Variants in TNIK observed in about 807,000 individuals in gnomAD.
TNIK encodes the protein TRAF2 and NCK-interacting protein kinase.
TNIK carries 49 observed loss-of-function variants against 191.3 expected under a neutral mutation model. The ratio of observed to expected loss-of-function variants is 0.26; its 90% CI spans 0.20 to 0.32. TNIK has a LOEUF of 0.32. TNIK is among the 10% of genes least tolerant of loss of function. The pLI, the probability that TNIK is intolerant of heterozygous loss-of-function variation, is 1.00. For synonymous variants in TNIK, 594 were observed against 600.9 expected (o/e 0.99, Z 0.17); for missense variants, 1,155 against 1,702.3 (o/e 0.68, Z 5.66).
intron 24 of TNIK, 109 bp downstream of exon 24, chr3:171,087,233 C>G (rs2108387861): frequency 2.0e-6 from 3 of 1,494,540 alleles, no homozygotes; most frequent in South Asian, 2.6e-5. Context: ...AGAAACCAAC[C>G]AAACAAGTTT....
intron 28 of TNIK, among the ~76,000 whole-genome samples, chr3:171,073,762 A>T (rs1470614957): frequency 2.6e-5 from 4 of 152,082 alleles, no homozygotes; most frequent in Non-Finnish European, 5.9e-5. Flanking sequence ...AATGCTCAAT[A>T]TCACTGAACA....
At chr3:171,166,658 A>C (rs2108753584) in intron 10 of TNIK, among the ~76,000 whole-genome samples, 1 of 152,366 alleles carries the variant, frequency 6.6e-6, no homozygotes, top group South Asian at 2.1e-4. Flanking sequence ...CTTCTAAATA[A>C]CAGAATTAGA....
At chr3:171,125,536 T>G (rs1481652459) in intron 17 of TNIK, among the ~76,000 whole-genome samples, 2 of 152,232 alleles carry the variant, frequency 1.3e-5, no homozygotes, top group Non-Finnish European at 2.9e-5. Flanking sequence ...TACATGGATT[T>G]TCTACTTTTT....
At position 171,444,524 on chromosome 3, in the gene TNIK, A is replaced by G. The variant is rs75370790; in HGVS notation, c.57+15483T>C. Reference sequence around the variant, plus strand: ...CAGGAAATCGACATCAGAAGGATGCATCTTGTTGATCAAGGGAGTGGGGCT... The same window carrying G: ...CAGGAAATCGACATCAGAAGGATGCGTCTTGTTGATCAAGGGAGTGGGGCT... On this transcript the variant is annotated intron_variant, in intron 1 of 32. Coordinates refer to ENST00000436636, the MANE Select transcript of TNIK (RefSeq NM_015028.4). 4.3e-3 allele frequency among the ~76,000 whole-genome samples: 648 copies of G among 151,668 alleles called. 6 individuals carry two copies. Among genetic ancestry groups the G allele is most frequent in the African/African-American group, 0.015 (616 of 41,354 alleles).
At chr3:171,362,663 T>C (rs1715151083) in intron 2 of TNIK, among the ~76,000 whole-genome samples, 1 of 152,198 alleles carries the variant, frequency 6.6e-6, no homozygotes, top group South Asian at 2.1e-4. Flanking sequence ...TGCTTCCACA[T>C]ATTAATGTTT....
chr3:171,437,720 C>G (rs1004318402), intron 1 of TNIK, among the ~76,000 whole-genome samples: 1 of 152,188 alleles, frequency 6.6e-6, no homozygotes, highest in Non-Finnish European at 1.5e-5. Flanking sequence ...AACTGAAATC[C>G]ACCTATAATC....
chr3:171,210,965 G>A (rs1740742177), intron 4 of TNIK, 151 bp downstream of exon 4: 9 of 1,000,086 alleles, frequency 9.0e-6, no homozygotes, highest in Non-Finnish European at 1.1e-5. Context: ...GGAAATGGGA[G>A]AAAACCCTGA....
chr3:171,123,102 A>G (rs538729331), intron 18 of TNIK, among the ~76,000 whole-genome samples: 20 of 152,326 alleles, frequency 1.3e-4, no homozygotes, highest in African/African-American at 4.3e-4. Flanking sequence ...TAGTTCTTCT[A>G]TAACTGCCAA....
intron 1 of TNIK, among the ~76,000 whole-genome samples, chr3:171,383,538 T>C (rs745307088): frequency 3.9e-5 from 6 of 152,228 alleles, no homozygotes; most frequent in Non-Finnish European, 7.3e-5. Flanking sequence ...AATTGCATTT[T>C]GTCTTTGTTC....
chr3:171,213,528 AG>A (rs1022760651), intron 3 of TNIK, among the ~76,000 whole-genome samples: 189 of 152,040 alleles, frequency 1.2e-3, no homozygotes, highest in Non-Finnish European at 2.0e-3. Flanking sequence ...AAGACAGGGG[AG>A]GGGGGGACTG....
chr3:171,180,114 A>G (rs1736461244), intron 7 of TNIK, among the ~76,000 whole-genome samples: 1 of 152,222 alleles, frequency 6.6e-6, no homozygotes, highest in Non-Finnish European at 1.5e-5. Context: ...TACATGTGAA[A>G]GAAAATGATG....
chr3:171,347,116 G>A (rs1712332618), intron 2 of TNIK: 2 of 1,506,310 alleles, frequency 1.3e-6, no homozygotes, highest in Non-Finnish European at 1.8e-6. Flanking sequence ...TTAGGAAATA[G>A]GATCAGCTGG....
At chr3:171,423,956 T>G (rs946692337) in intron 1 of TNIK, among the ~76,000 whole-genome samples, 2 of 152,130 alleles carry the variant, frequency 1.3e-5, no homozygotes, top group African/African-American at 4.8e-5. Flanking sequence ...CCCAAAGCAA[T>G]GGCAACAAAA....
intron 1 of TNIK, among the ~76,000 whole-genome samples, chr3:171,447,319 A>T (rs1727635381): frequency 6.6e-6 from 1 of 151,992 alleles, no homozygotes; most frequent in Non-Finnish European, 1.5e-5. Context: ...AAAAAAAAAA[A>T]ACACGTTATA....
rs147923923 is a variant in TNIK at position 171,071,885 on chromosome 3, C to G, written c.3449-562G>C. 5.9e-3 allele frequency among the ~76,000 whole-genome samples: 900 copies of G among 152,230 alleles called. 26 individuals are homozygous for G. Among genetic ancestry groups the G allele is most frequent in the Admixed American group, 0.053 (815 of 15,276 alleles). ...TAAAGGGCTACGAATACTGACAAAT[C>G]CTTTTACTCTTTAGAAAGATGGAAT... On this transcript the variant is annotated intron_variant, in intron 28 of 32. Coordinates refer to ENST00000436636, the MANE Select transcript of TNIK (RefSeq NM_015028.4).
intron 1 of TNIK, among the ~76,000 whole-genome samples, chr3:171,370,700 G>A (rs1716368373): frequency 6.6e-6 from 1 of 152,152 alleles, no homozygotes; most frequent in African/African-American, 2.4e-5. Flanking sequence ...GTATGGTAGG[G>A]TGGGGTGGGG....
At position 171,312,131 on chromosome 3, in the gene TNIK, AAAAAAAAAAAG is replaced by A. The variant is rs1173843638; in HGVS notation, c.123+57478_123+57488del. ...TCCAGATTAAAAAAAAAAAAAAAAA[AAAAAAAAAAAG>A]GGCTAGACTGGCATATCTGATTTTA... is the stretch of plus-strand genomic sequence containing the variant. On this transcript the variant is annotated intron_variant, in intron 2 of 32. Transcript: ENST00000436636. 2.0e-4 allele frequency among the ~76,000 whole-genome samples: 29 copies of A among 147,444 alleles called. 1 individual carries two copies. The highest frequency in any genetic ancestry group is 3.5e-3 in the Middle Eastern group (1 of 288).
At chr3:171,326,401 C>T (rs1328660432) in intron 2 of TNIK, among the ~76,000 whole-genome samples, 1 of 151,922 alleles carries the variant, frequency 6.6e-6, no homozygotes, top group Non-Finnish European at 1.5e-5. Flanking sequence ...ACGACAGAAG[C>T]GTATATAACA....
At chr3:171,100,778 T>A (rs1723405033) in intron 22 of TNIK, among the ~76,000 whole-genome samples, 1 of 139,406 alleles carries the variant, frequency 7.2e-6, no homozygotes, top group African/African-American at 2.6e-5. Context: ...AGGCTACAAT[T>A]ACTAAAGAAA....
Sources: allele counts gnomAD v4.1 joint callset (sites outside exome capture counted in the v4.1 genomes callset), GRCh38; gene constraint gnomAD v4.1.1; transcripts MANE v1.5; gene names NCBI Gene and HGNC (gene_info 2026-07-23, HGNC 2026-07-21).